Variants in NCOA1 observed in about 807,000 individuals in gnomAD.
NCOA1 encodes the protein Hin-2 protein.
A neutral mutation model predicts 150.9 loss-of-function variants in NCOA1; 35 were observed. That is an observed-to-expected ratio of 0.23 (90% CI 0.18 to 0.31). The LOEUF (loss-of-function observed/expected upper bound fraction) is 0.31. Among genes scored for constraint, NCOA1 ranks in the 10% least tolerant of loss-of-function variants. NCOA1 has a pLI of 1.00. For synonymous variants in NCOA1, 590 were observed against 630.0 expected, an observed-to-expected ratio of 0.94 and a Z score of 0.95; for missense variants, 1,491 against 1,749.3, an observed-to-expected ratio of 0.85 and a Z score of 2.63.
At chr2:24,517,103 T>G (rs190866814) in intron 1 of NCOA1, among the ~76,000 whole-genome samples, 570 of 149,204 alleles carry the variant, frequency 3.8e-3, no homozygotes, top group Admixed American at 7.5e-3. Flanking sequence ...GCATAATCTC[T>G]TCCGTTAGGT....
At chr2:24,658,544 C>G in intron 4 of NCOA1, 117 bp from the exon 5 acceptor site, 1 of 645,886 alleles carries the variant, frequency 1.5e-6, no homozygotes, top group Admixed American at 2.6e-5. Flanking sequence ...CTGTAATTAT[C>G]TATTCATTGA....
chr2:24,574,011 A>T (rs779324707), intron 2 of NCOA1, among the ~76,000 whole-genome samples: 4 of 152,006 alleles, frequency 2.6e-5, no homozygotes, highest in Non-Finnish European at 5.9e-5. Flanking sequence ...GAAATTAATA[A>T]GATAAAAGCA....
intron 10 of NCOA1, among the ~76,000 whole-genome samples, chr2:24,695,347 G>A (rs1672849640): frequency 6.6e-6 from 1 of 152,098 alleles, no homozygotes; most frequent in South Asian, 2.1e-4. Context: ...CAAATGAGGG[G>A]ATGGTGATTT....
At chr2:24,705,860 C>T (rs928519857) in intron 12 of NCOA1, among the ~76,000 whole-genome samples, 1 of 152,144 alleles carries the variant, frequency 6.6e-6, no homozygotes, top group Non-Finnish European at 1.5e-5. Flanking sequence ...CTTATTGGAA[C>T]ATGGTAATGC....
chr2:24,567,598 A>G (rs1666568113), intron 2 of NCOA1, among the ~76,000 whole-genome samples: 1 of 152,200 alleles, frequency 6.6e-6, no homozygotes, highest in African/African-American at 2.4e-5. Flanking sequence ...ATCCCTTTCT[A>G]AGTAATATAC....
At chr2:24,698,189 G>C (rs1290256825) in intron 11 of NCOA1, among the ~76,000 whole-genome samples, 1 of 151,346 alleles carries the variant, frequency 6.6e-6, no homozygotes, top group Non-Finnish European at 1.5e-5. Context: ...GTTTGATGTG[G>C]GGTATGATAG....
Position 24,707,424 on chromosome 2 carries a change from A to G in NCOA1, c.1954A>G (p.Thr652Ala). The change falls in exon 13 of 23, where the codon ACA (threonine) becomes GCA (alanine). Residue 652 changes from threonine (T) to alanine (A), a missense_variant. Physicochemically the swap from Thr to Ala is moderately conservative, Grantham distance 58. Around this residue, in one of 8 missense-constraint regions of NCOA1, gnomAD observed 703 missense variants for 717.7 expected, o/e 0.98. Coordinates refer to ENST00000348332, the MANE Select transcript of NCOA1 (RefSeq NM_003743.5). ...GCAGTTACGGCATGCTGATATAGAC[A>G]CAAGCTGCAAAGATGTCCTGTCTTG... is the stretch of plus-strand genomic sequence containing the variant. ...EQQLRHADID[T>A]SCKDVLSCTG... The G allele has an allele frequency of 6.2e-7, 1 of 1,614,216 alleles. No homozygotes were observed. The highest frequency in any genetic ancestry group is 8.5e-7 in the Non-Finnish European group (1 of 1,180,042).
intron 3 of NCOA1, among the ~76,000 whole-genome samples, chr2:24,593,858 A>G (rs1667761710): frequency 6.6e-6 from 1 of 152,140 alleles, no homozygotes; most frequent in African/African-American, 2.4e-5. Context: ...CTTTCTTAGA[A>G]AACTAAAACA....
chr2:24,591,396 G>T (rs1273843163), intron 3 of NCOA1, among the ~76,000 whole-genome samples: 3 of 152,060 alleles, frequency 2.0e-5, no homozygotes, highest in Non-Finnish European at 4.4e-5. Context: ...TTCCTCCCCT[G>T]CAAACTAGGA....
intron 1 of NCOA1, among the ~76,000 whole-genome samples, chr2:24,510,442 G>C (rs1663888592): frequency 6.6e-6 from 1 of 152,064 alleles, no homozygotes; most frequent in South Asian, 2.1e-4. Flanking sequence ...AAACTCCTGG[G>C]CTCAAGTGAC....
intron 19 of NCOA1, among the ~76,000 whole-genome samples, chr2:24,744,340 T>G (rs1663777203): frequency 6.6e-6 from 1 of 152,258 alleles, no homozygotes; most frequent in Non-Finnish European, 1.5e-5. Context: ...AACAGTGGTT[T>G]CATCCAGTTG....
intron 1 of NCOA1, among the ~76,000 whole-genome samples, chr2:24,557,131 C>G (rs1218579719): frequency 7.2e-6 from 1 of 139,514 alleles, no homozygotes; most frequent in Non-Finnish European, 1.6e-5. Context: ...AAAATGCCTT[C>G]AGACTTTGCT....
At chr2:24,576,386 C>T (rs1354976148) in intron 2 of NCOA1, among the ~76,000 whole-genome samples, 1 of 151,968 alleles carries the variant, frequency 6.6e-6, no homozygotes, top group South Asian at 2.1e-4. Context: ...GACCTCAACT[C>T]TTTGAGACTG....
At chr2:24,548,753 A>C (rs1413736131) in intron 1 of NCOA1, among the ~76,000 whole-genome samples, 8 of 152,196 alleles carry the variant, frequency 5.3e-5, no homozygotes, top group Admixed American at 5.2e-4. Context: ...AAGCTTCAAA[A>C]TGATCTCCTT....
intron 1 of NCOA1, among the ~76,000 whole-genome samples, chr2:24,514,613 G>A (rs1558756397): frequency 6.6e-6 from 1 of 151,932 alleles, no homozygotes; most frequent in Non-Finnish European, 1.5e-5. Context: ...GACCAGCCTG[G>A]GCAACATGGG....
intron 4 of NCOA1, among the ~76,000 whole-genome samples, chr2:24,653,887 A>T (rs1271300965): frequency 6.6e-6 from 1 of 152,170 alleles, no homozygotes; most frequent in Non-Finnish European, 1.5e-5. Flanking sequence ...ATGTCTTTCA[A>T]CTTCCTTGTT....
chr2:24,702,862 G>A (rs55781300), intron 11 of NCOA1, among the ~76,000 whole-genome samples: 2,373 of 152,236 alleles, frequency 0.016, 28 homozygotes, highest in Non-Finnish European at 0.024. Flanking sequence ...TGATGTGTAC[G>A]GCAAATGTTT....
At chr2:24,642,318 A>AATAT (rs138241448) in intron 3 of NCOA1, among the ~76,000 whole-genome samples, 13 of 146,780 alleles carry the variant, frequency 8.9e-5, no homozygotes, top group Non-Finnish European at 1.9e-4. Flanking sequence ...TATGTATATA[A>AATAT]ATATATATAT....
At chr2:24,676,916 A>G (rs991425924) in intron 7 of NCOA1, among the ~76,000 whole-genome samples, 1 of 152,232 alleles carries the variant, frequency 6.6e-6, no homozygotes, top group African/African-American at 2.4e-5. Context: ...ACTCAGAAAT[A>G]AAGAAAAAAG....
Sources: gnomAD v4.1 joint callset for allele counts (sites outside exome capture counted in the v4.1 genomes callset) on GRCh38, gnomAD v4.1.1 for gene constraint, gnomAD v4.1.1 regional missense constraint, MANE v1.5 for transcripts, NCBI Gene and HGNC (gene_info 2026-07-23, HGNC 2026-07-21) for gene names.